The following KMT2C variants were observed in gnomAD, a reference collection of about 807,000 sequenced individuals.
KMT2C encodes histone-lysine N-methyltransferase 2C.
KMT2C carries 88 observed loss-of-function variants against 507.9 expected under a neutral mutation model. The ratio of observed to expected loss-of-function variants is 0.17; its 90% CI spans 0.15 to 0.21. The LOEUF (loss-of-function observed/expected upper bound fraction) is 0.21, where lower values mean the gene tolerates loss of function less well. KMT2C is among the 10% of genes least tolerant of loss of function. The probability of loss-of-function intolerance (pLI) is 1.00; values close to 1 mark genes in which losing one functional copy is unlikely to be tolerated. For missense variants in KMT2C, 4,954 were observed against 5,957.8 expected (o/e 0.83, Z 5.55); for synonymous variants, 2,049 against 2,080.8 (o/e 0.98, Z 0.42).
At chr7:152,140,023 T>C (rs1563116506) in intron 55 of KMT2C, among the ~76,000 whole-genome samples, 3 of 152,246 alleles carry the variant, frequency 2.0e-5, no homozygotes, top group African/African-American at 7.2e-5. Context: ...ACTAAATTCT[T>C]AGAGTCTATG....
At chr7:152,163,977 A>G (rs567668419) in intron 42 of KMT2C, 151 bp from the exon 43 acceptor site, 41 of 642,516 alleles carry the variant, frequency 6.4e-5, no homozygotes, top group Middle Eastern at 8.3e-4. Context: ...AAAAGTCACA[A>G]AAAAATTGAA....
intron 9 of KMT2C, among the ~76,000 whole-genome samples, chr7:152,254,822 T>C (rs1294439488): frequency 1.3e-5 from 2 of 151,652 alleles, no homozygotes; most frequent in Non-Finnish European, 2.9e-5. Flanking sequence ...AGAAAATTGT[T>C]CAAAAATTCA....
chr7:152,262,272 G>C (rs2095793802), intron 9 of KMT2C, among the ~76,000 whole-genome samples: 1 of 152,120 alleles, frequency 6.6e-6, no homozygotes, highest in South Asian at 2.1e-4. Context: ...CCCGCACACG[G>C]GCCATCATGC....
chr7:152,392,581 C>T (rs933992627), intron 1 of KMT2C, among the ~76,000 whole-genome samples: 3 of 152,140 alleles, frequency 2.0e-5, no homozygotes, highest in Admixed American at 6.5e-5. Context: ...TTATTGAAAG[C>T]GCAGTGTTTA....
intron 4 of KMT2C, 71 bp from the exon 5 acceptor site, chr7:152,312,017 T>C (rs993624077): frequency 2.5e-5 from 29 of 1,169,350 alleles, no homozygotes; most frequent in Non-Finnish European, 3.4e-5. Context: ...ACTGTTTAAA[T>C]GCAATGTACT....
chr7:152,418,944 G>C (rs986853860), intron 1 of KMT2C, among the ~76,000 whole-genome samples: 2 of 151,978 alleles, frequency 1.3e-5, no homozygotes, highest in Non-Finnish European at 2.9e-5. Context: ...CTATAATTTC[G>C]GCACTTTGAA....
At chr7:152,236,224 GACA>G (rs369432535) in intron 15 of KMT2C, among the ~76,000 whole-genome samples, 137 of 152,354 alleles carry the variant, frequency 9.0e-4, no homozygotes, top group African/African-American at 3.1e-3. Flanking sequence ...TCTTGGTGAC[GACA>G]ACAACTATAG....
chr7:152,310,672 TG>T (rs2096663759), intron 5 of KMT2C, among the ~76,000 whole-genome samples: 1 of 151,980 alleles, frequency 6.6e-6, no homozygotes, highest in South Asian at 2.1e-4. Flanking sequence ...TGTTTTTTTT[TG>T]TTGTTGTTGT....
intron 3 of KMT2C, among the ~76,000 whole-genome samples, chr7:152,323,897 AGAG>A (rs1307971884): frequency 6.6e-6 from 1 of 151,638 alleles, no homozygotes; most frequent in Non-Finnish European, 1.5e-5. Flanking sequence ...AGATGAATCT[AGAG>A]GATATCATGC....
At chr7:152,350,080 G>A (rs1028050378) in intron 2 of KMT2C, among the ~76,000 whole-genome samples, 113 of 152,158 alleles carry the variant, frequency 7.4e-4, no homozygotes, top group African/African-American at 2.6e-3. Flanking sequence ...GGAAAACCCT[G>A]TCTCTACTAA....
intron 34 of KMT2C, among the ~76,000 whole-genome samples, chr7:152,185,154 C>A (rs925733242): frequency 1.3e-5 from 2 of 152,062 alleles, no homozygotes; most frequent in Admixed American, 1.3e-4. Context: ...AAAACAATGA[C>A]AAGGGAAAGA....
In KMT2C at chr7:152,181,951, G is replaced by A; in HGVS notation, c.5909C>T (p.Pro1970Leu). ...NDPYAKPPDT[P>L]RPVMTDQFPK... ...AAATTGATCTGTCATCACAGGCCTA[G>A]GTGTGTCTGGAGGTTTTGCATAGGG... Residue 1970 changes from proline (P) to leucine (L), a missense_variant, in exon 36 of 59, where the codon CCT (proline) becomes CTT (leucine). This residue lies in a region of KMT2C where 1,689 missense variants were observed against 1,654.3 expected (regional missense o/e 1.02). Coordinates refer to ENST00000262189, the MANE Select transcript of KMT2C (RefSeq NM_170606.3). 2 of 1,614,206 alleles carry A rather than the reference G, an allele frequency of 1.2e-6. No homozygotes were observed. Among genetic ancestry groups the A allele is most frequent in the Non-Finnish European group, 1.7e-6 (2 of 1,180,034 alleles).
At chr7:152,266,290 G>A (rs2095857135) in intron 7 of KMT2C, among the ~76,000 whole-genome samples, 1 of 151,566 alleles carries the variant, frequency 6.6e-6, no homozygotes, top group Non-Finnish European at 1.5e-5. Flanking sequence ...TGTCACCTAG[G>A]CTAGAGTGCA....
chr7:152,397,712 G>A (rs1056831537), intron 1 of KMT2C, among the ~76,000 whole-genome samples: 1 of 151,974 alleles, frequency 6.6e-6, no homozygotes, highest in Non-Finnish European at 1.5e-5. Context: ...GAATCATAGG[G>A]GTGGTTTCCC....
intron 16 of KMT2C, among the ~76,000 whole-genome samples, chr7:152,231,256 G>C (rs73481042): frequency 1.4e-4 from 21 of 152,188 alleles, no homozygotes; most frequent in South Asian, 2.1e-4. Flanking sequence ...AATCAACTAA[G>C]TACCCACTGG....
rs907549185 is a variant in KMT2C, at chr7:152,413,940, G to A, written c.161+21686C>T. Among the ~76,000 whole-genome samples, 13 of 151,036 alleles carry A rather than the reference G, an allele frequency of 8.6e-5. No individual in the cohort carries two copies. In the East Asian group the frequency reaches 2.1e-3, roughly 25 times the overall value. Reference sequence around the variant, plus strand: ...TTAGAAAATGTATGAGGCCAGACGCGATGGCTCATGCCTGTAATCCCAACT... The same window carrying A: ...TTAGAAAATGTATGAGGCCAGACGCAATGGCTCATGCCTGTAATCCCAACT... On this transcript the variant is annotated intron_variant, in intron 1 of 58. Coordinates refer to ENST00000262189, the MANE Select transcript of KMT2C (RefSeq NM_170606.3).
chr7:152,220,126 C>T (rs1422908123), intron 23 of KMT2C: 5 of 186,824 alleles, frequency 2.7e-5, no homozygotes, highest in Non-Finnish European at 5.6e-5. Context: ...CCTGAAGTAA[C>T]ATTAAATGAC....
At chr7:152,359,477 T>A (rs907907219) in intron 1 of KMT2C, among the ~76,000 whole-genome samples, 2 of 152,032 alleles carry the variant, frequency 1.3e-5, no homozygotes, top group Non-Finnish European at 2.9e-5. Flanking sequence ...TTAAACTCTT[T>A]AAAAGAAAAA....
chr7:152,429,997 G>A (rs1198322763), intron 1 of KMT2C, among the ~76,000 whole-genome samples: 3 of 151,702 alleles, frequency 2.0e-5, no homozygotes, highest in Admixed American at 2.0e-4. Context: ...GGCCAACATG[G>A]TGAACACCCA....
Sources: gnomAD v4.1 joint callset for allele counts (sites outside exome capture counted in the v4.1 genomes callset) on GRCh38, gnomAD v4.1.1 for gene constraint, gnomAD v4.1.1 regional missense constraint, MANE v1.5 for transcripts, NCBI Gene and HGNC (gene_info 2026-07-23, HGNC 2026-07-21) for gene names.